Variants in CHD7 observed in about 807,000 individuals in gnomAD.
The protein encoded by CHD7 is chromodomain helicase DNA binding protein 7, also known as ATP-dependent chromatin remodeler CHD7.
Under a neutral mutation model 307.3 loss-of-function variants are expected in CHD7, and 24 were observed. That is an observed-to-expected ratio of 0.08 (90% CI 0.06 to 0.11). CHD7 has a LOEUF of 0.11. Ranked by LOEUF, CHD7 falls within the 10% of genes least tolerant of loss-of-function variation. The pLI, the probability that CHD7 is intolerant of heterozygous loss-of-function variation, is 1.00. For synonymous variants in CHD7, 1,363 were observed against 1,349.9 expected (o/e 1.01, Z -0.21); for missense variants, 3,106 against 3,727.1 (o/e 0.83, Z 4.34).
intron 34 of CHD7, among the ~76,000 whole-genome samples, 188 bp downstream of exon 34, chr8:60,857,076 G>A (rs1644033395): frequency 6.6e-6 from 1 of 152,224 alleles, no homozygotes; most frequent in Admixed American, 6.5e-5. Flanking sequence ...TGGCCTGAAC[G>A]AAGTGTAGCT....
rs930518412 is a variant in CHD7 at position 60,701,654 on chromosome 8, T to C, written c.-175+22572T>C. On this transcript the variant is annotated intron_variant, in intron 1 of 37. Coordinates refer to ENST00000423902, the MANE Select transcript of CHD7 (RefSeq NM_017780.4). ...CTTGGACACCTTTTTATCAGACAAT[T>C]ACAATTTTTAAAGAGTGAATTTTAT... Among the ~76,000 whole-genome samples the C allele has an allele frequency of 2.6e-5, 4 of 152,244 alleles. No individual in the cohort carries two copies. The East Asian group carries it at 7.7e-4, about 29-fold the overall frequency.
chr8:60,844,801 TTAAAG>T (rs1390780420), intron 21 of CHD7, 58 bp from the exon 22 acceptor site: 29 of 1,407,108 alleles, frequency 2.1e-5, no homozygotes, highest in East Asian at 6.9e-5. Flanking sequence ...GGTACCTGAC[TTAAAG>T]TAAAGCCATA....
chr8:60,700,999 ATAACGT>A (rs1188072894), intron 1 of CHD7, among the ~76,000 whole-genome samples: 1 of 152,228 alleles, frequency 6.6e-6, no homozygotes, highest in Non-Finnish European at 1.5e-5. Context: ...TGAGGTTGTG[ATAACGT>A]TATGTTTGAG....
chr8:60,688,259 T>A (rs1806013432), intron 1 of CHD7, among the ~76,000 whole-genome samples: 1 of 152,106 alleles, frequency 6.6e-6, no homozygotes, highest in South Asian at 2.1e-4. Context: ...CATAATACAT[T>A]CTCCTAACTG....
At chr8:60,755,522 A>G (rs1334222979) in intron 2 of CHD7, among the ~76,000 whole-genome samples, 1 of 152,096 alleles carries the variant, frequency 6.6e-6, no homozygotes, top group Non-Finnish European at 1.5e-5. Flanking sequence ...ATAGTTTTTA[A>G]ATATTTTTAA....
intron 1 of CHD7, among the ~76,000 whole-genome samples, chr8:60,692,393 T>G (rs374764159): frequency 1.3e-4 from 20 of 152,240 alleles, no homozygotes; most frequent in African/African-American, 4.8e-4. Flanking sequence ...AAAAGCTTGT[T>G]TTGTATATAG....
intron 5 of CHD7, 88 bp downstream of exon 5, chr8:60,800,613 C>A: frequency 7.6e-7 from 1 of 1,314,252 alleles, no homozygotes; most frequent in Non-Finnish European, 1.0e-6. Context: ...GCAGTGGAAG[C>A]ATTGGACTTT....
At chr8:60,857,072 G>A (rs1263661846) in intron 34 of CHD7, among the ~76,000 whole-genome samples, 184 bp downstream of exon 34, 1 of 152,234 alleles carries the variant, frequency 6.6e-6, no homozygotes, top group Admixed American at 6.5e-5. Flanking sequence ...CACTTGGCCT[G>A]AACGAAGTGT....
rs190403270 is a variant in CHD7, at chr8:60,790,216, C to T, written c.2097-4770C>T. Among the ~76,000 whole-genome samples the T allele has an allele frequency of 1.4e-4, 22 of 152,144 alleles. 1 individual carries two copies. The highest frequency in any genetic ancestry group is 1.9e-4 in the East Asian group (1 of 5,194). Reference sequence around the variant, plus strand: ...TTCATGAGTGGATGGCTCTGTCTCTCAGTCTCTAGCCTCATGAGTGGTTGG... The same window carrying T: ...TTCATGAGTGGATGGCTCTGTCTCTTAGTCTCTAGCCTCATGAGTGGTTGG... On this transcript the variant is annotated intron_variant, in intron 3 of 37. Transcript: ENST00000423902.
At chr8:60,794,291 T>TCC (rs1311156838) in intron 3 of CHD7, among the ~76,000 whole-genome samples, 1 of 152,204 alleles carries the variant, frequency 6.6e-6, no homozygotes, top group Non-Finnish European at 1.5e-5. Context: ...ATAACATTTG[T>TCC]CAGCAACATA....
At chr8:60,802,861 AGTTT>A (rs1812375965) in intron 6 of CHD7, among the ~76,000 whole-genome samples, 1 of 152,282 alleles carries the variant, frequency 6.6e-6, no homozygotes, top group East Asian at 1.9e-4. Flanking sequence ...TCATTTCATT[AGTTT>A]GTTTTGCTAT....
chr8:60,706,786 C>T (rs1471248589), intron 1 of CHD7, among the ~76,000 whole-genome samples: 2 of 152,026 alleles, frequency 1.3e-5, no homozygotes, highest in Admixed American at 1.3e-4. Context: ...GTTATTTTAA[C>T]ATTGCTTAGT....
chr8:60,852,623 C>G lies in CHD7; in HGVS notation c.6020C>G (p.Ser2007Cys). 1 of 1,613,960 alleles carries G rather than the reference C, an allele frequency of 6.2e-7. No individual in the cohort carries two copies. Among genetic ancestry groups the G allele is most frequent in the Non-Finnish European group, 8.5e-7 (1 of 1,179,886 alleles). Residue 2007 changes from serine (S) to cysteine (C), a missense_variant, in exon 30 of 38, where the codon TCT (serine) becomes TGT (cysteine). Physicochemically the swap from Ser to Cys is moderately radical, Grantham distance 112. Transcript: ENST00000423902. ...FRAFARLDKK[S>C]DESLEKYFSC... ...GCCTTTGCCAGGCTTGACAAAAAAT[C>G]TGATGAGAGTTTGGAGAAATACTTC...
chr8:60,783,416 C>T (rs1360719178), intron 3 of CHD7, among the ~76,000 whole-genome samples: 2 of 152,144 alleles, frequency 1.3e-5, no homozygotes, highest in Non-Finnish European at 2.9e-5. Flanking sequence ...CTGTGTTTAT[C>T]CACTAGAGAA....
At chr8:60,718,017 A>C (rs750129202) in intron 1 of CHD7, among the ~76,000 whole-genome samples, 5 of 152,178 alleles carry the variant, frequency 3.3e-5, no homozygotes, top group Admixed American at 6.6e-5. Flanking sequence ...GGGATATTCC[A>C]GAAGGCATTG....
chr8:60,741,820 C>G lies in CHD7; in HGVS notation c.388C>G (p.Gln130Glu). 9.9e-6 allele frequency: 16 copies of G among 1,613,914 alleles called. No individual in the cohort carries two copies. The highest frequency in any genetic ancestry group is 1.4e-5 in the Non-Finnish European group (16 of 1,179,858). ...GGQMGVYPGM[Q>E]NERHGQSFVD... The stretch of plus-strand genomic sequence containing the variant: ...TCAGATGGGTGTCTACCCTGGCATG[C>G]AGAATGAGAGGCATGGGCAATCCTT... The change falls in exon 2 of 38, where the codon CAG (glutamine) becomes GAG (glutamate). Residue 130 changes from glutamine to glutamate, a missense_variant. Transcript: ENST00000423902.
chr8:60,856,999 G>C, intron 34 of CHD7, 111 bp downstream of exon 34: 1 of 905,946 alleles, frequency 1.1e-6, no homozygotes, highest in Non-Finnish European at 1.7e-6. Flanking sequence ...ATGAAAGCCA[G>C]CTTCCTCCAC....
intron 19 of CHD7, among the ~76,000 whole-genome samples, chr8:60,841,253 G>C (rs1804959880): frequency 6.6e-6 from 1 of 152,174 alleles, no homozygotes; most frequent in South Asian, 2.1e-4. Context: ...CTTGGCACAT[G>C]CTCTGCTGTG....
At chr8:60,800,551 T>C in intron 5 of CHD7, 26 bp downstream of exon 5, 2 of 1,547,050 alleles carry the variant, frequency 1.3e-6, no homozygotes, top group Non-Finnish European at 1.7e-6. Context: ...GTGGGATTTA[T>C]GGATGCATTT....
Sources: allele counts gnomAD v4.1 joint callset (sites outside exome capture counted in the v4.1 genomes callset), GRCh38; gene constraint gnomAD v4.1.1; transcripts MANE v1.5; gene names NCBI Gene and HGNC (gene_info 2026-07-23, HGNC 2026-07-21).